FER: variants seen among roughly 807,000 people sequenced by gnomAD.
The protein encoded by FER is tyrosine-protein kinase Fer.
Under a neutral mutation model 111.0 loss-of-function variants are expected in FER, and 63 were observed. The observed-to-expected ratio is 0.57, with a 90% CI of 0.46 to 0.70. The LOEUF (loss-of-function observed/expected upper bound fraction) is 0.70, where lower values mean the gene tolerates loss of function less well. Ranked by LOEUF, FER falls within the 30% of genes least tolerant of loss-of-function variation. FER has a pLI of 0.00. For synonymous variants in FER, 327 were observed against 313.9 expected (o/e 1.04, Z -0.44); for missense variants, 914 against 954.0 (o/e 0.96, Z 0.55).
At chr5:109,103,999 G>A (rs903269278) in intron 17 of FER, among the ~76,000 whole-genome samples, 2 of 152,192 alleles carry the variant, frequency 1.3e-5, no homozygotes, top group African/African-American at 4.8e-5. Flanking sequence ...TTGAGTGAAA[G>A]CCCACAATTT....
chr5:108,785,483 G>A, intron 2 of FER: 1 of 571,824 alleles, frequency 1.7e-6, no homozygotes, highest in South Asian at 1.4e-5. Flanking sequence ...CTGGTCTGTT[G>A]GTGGTCATTT....
chr5:109,185,396 C>T (rs1327070626), intron 18 of FER, among the ~76,000 whole-genome samples: 2 of 152,126 alleles, frequency 1.3e-5, no homozygotes, highest in Non-Finnish European at 2.9e-5. Context: ...CATGTAAGAA[C>T]ATCTGTAAAC....
chr5:108,844,085 CGTGTGAACATATGTGT>C (rs1194569869), intron 5 of FER, among the ~76,000 whole-genome samples: 2 of 79,252 alleles, frequency 2.5e-5, no homozygotes, highest in East Asian at 2.9e-4. Flanking sequence ...AACATATATG[CGTGTGAACATATGTGT>C]GTGAACATGT....
intron 17 of FER, among the ~76,000 whole-genome samples, chr5:109,173,979 G>A (rs79859765): frequency 0.016 from 2,406 of 152,182 alleles, 56 homozygotes; most frequent in South Asian, 0.071. Context: ...TCAAAGAGGC[G>A]GGACTTCTGT....
intron 13 of FER, among the ~76,000 whole-genome samples, chr5:109,026,549 T>C (rs11949706): frequency 0.12 from 17,828 of 152,214 alleles, 1,107 homozygotes; most frequent in Non-Finnish European, 0.14. Flanking sequence ...ATAAATGTGC[T>C]GAGCCAGCTA....
At chr5:109,135,852 T>G (rs944998262) in intron 17 of FER, among the ~76,000 whole-genome samples, 1 of 152,116 alleles carries the variant, frequency 6.6e-6, no homozygotes, top group Non-Finnish European at 1.5e-5. Flanking sequence ...TAACCAGCGC[T>G]CAAAAACAGA....
At chr5:108,760,186 G>T (rs551817406) in intron 1 of FER, among the ~76,000 whole-genome samples, 1 of 150,428 alleles carries the variant, frequency 6.6e-6, no homozygotes, top group South Asian at 2.1e-4. Flanking sequence ...TGAGCAGTAG[G>T]TCTGAACAAT....
chr5:109,051,520 C>G, intron 16 of FER: 2 of 1,597,792 alleles, frequency 1.3e-6, no homozygotes, highest in Non-Finnish European at 8.5e-7. Flanking sequence ...TTGTTCTGCA[C>G]TGTAATTAGC....
At chr5:108,760,365 A>G (rs1751595325) in intron 1 of FER, among the ~76,000 whole-genome samples, 1 of 152,212 alleles carries the variant, frequency 6.6e-6, no homozygotes, top group South Asian at 2.1e-4. Context: ...CACCAGCTGC[A>G]TTAGCCCATA....
At position 109,048,839 on chromosome 5, in the gene FER, C is replaced by CTT. The variant is rs11412148; in HGVS notation, c.1924+1649_1924+1650dup. Reference sequence around the variant, plus strand: ...TACTCCACCACTGTTTCAGATCTTGCTTTTTTTTTCTTATTACTATAATGT... The same window carrying CTT: ...TACTCCACCACTGTTTCAGATCTTGCTTTTTTTTTTTCTTATTACTATAATGT... On this transcript the variant is annotated intron_variant, in intron 16 of 19. Coordinates refer to ENST00000281092, the MANE Select transcript of FER (RefSeq NM_005246.4). Among the ~76,000 whole-genome samples the CTT allele has an allele frequency of 5.7e-4, 86 of 150,496 alleles. 1 individual carries two copies. The highest frequency in any genetic ancestry group is 1.6e-3 in the African/African-American group (67 of 41,094).
At chr5:109,149,491 A>G (rs1348703621) in intron 17 of FER, among the ~76,000 whole-genome samples, 1 of 152,214 alleles carries the variant, frequency 6.6e-6, no homozygotes, top group East Asian at 1.9e-4. Context: ...TTGAACTACA[A>G]AGAACTGCTT....
chr5:109,079,551 T>G (rs1258378105), intron 16 of FER, among the ~76,000 whole-genome samples: 1 of 152,182 alleles, frequency 6.6e-6, no homozygotes, highest in Non-Finnish European at 1.5e-5. Context: ...TTCCTCATTT[T>G]TTTCCTAGCA....
chr5:109,071,267 CTT>C (rs1177866178), intron 16 of FER, among the ~76,000 whole-genome samples: 1 of 151,990 alleles, frequency 6.6e-6, no homozygotes, highest in African/African-American at 2.4e-5. Context: ...CTTTGACAGT[CTT>C]TGAGAATATT....
intron 13 of FER, among the ~76,000 whole-genome samples, chr5:108,963,984 C>T (rs1283360761): frequency 6.6e-6 from 1 of 152,126 alleles, no homozygotes; most frequent in Admixed American, 6.5e-5. Flanking sequence ...TGATGTCTTA[C>T]CAATTCATCA....
In FER at chr5:108,968,448, T is replaced by G. The variant is rs1051153785; in HGVS notation, c.1656+9101T>G. On this transcript the variant is annotated intron_variant, in intron 13 of 19. Coordinates refer to ENST00000281092, the MANE Select transcript of FER (RefSeq NM_005246.4). ...AGAATGTACCCTTAAATTCTAAGGC[T>G]GTATTCCTTGCTTACAAAAATGGAT... 3.3e-5 allele frequency among the ~76,000 whole-genome samples: 5 copies of G among 152,300 alleles called. No homozygotes were observed. In the South Asian group the frequency reaches 1.0e-3, roughly 32 times the overall value.
intron 2 of FER, among the ~76,000 whole-genome samples, chr5:108,775,368 C>G (rs556382206): frequency 5.9e-5 from 9 of 152,258 alleles, no homozygotes; most frequent in African/African-American, 1.9e-4. Flanking sequence ...AGGCAGTAAT[C>G]TAGATTTTAT....
At chr5:109,173,100 C>T (rs1296907268) in intron 17 of FER, among the ~76,000 whole-genome samples, 3 of 152,158 alleles carry the variant, frequency 2.0e-5, no homozygotes, top group African/African-American at 7.2e-5. Context: ...TATGTGGAAT[C>T]TGCACTTGTA....
intron 17 of FER, among the ~76,000 whole-genome samples, chr5:109,176,705 A>T (rs943161987): frequency 6.6e-5 from 10 of 152,206 alleles, no homozygotes; most frequent in Non-Finnish European, 1.3e-4. Flanking sequence ...TACATATTGT[A>T]TACACATATC....
intron 13 of FER, among the ~76,000 whole-genome samples, chr5:108,978,809 C>T (rs537531619): frequency 6.6e-6 from 1 of 152,258 alleles, no homozygotes; most frequent in African/African-American, 2.4e-5. Context: ...AGACAATAGT[C>T]TGGTTCTTAC....
Sources: allele counts gnomAD v4.1 joint callset (sites outside exome capture counted in the v4.1 genomes callset), GRCh38; gene constraint gnomAD v4.1.1; transcripts MANE v1.5; gene names NCBI Gene and HGNC (gene_info 2026-07-23, HGNC 2026-07-21).